FOXP1: variants seen among roughly 807,000 people sequenced by gnomAD.
FOXP1 encodes forkhead box protein P1.
A neutral mutation model predicts 98.2 loss-of-function variants in FOXP1; 15 were observed. That is an observed-to-expected ratio of 0.15 (90% CI 0.10 to 0.24). The LOEUF (loss-of-function observed/expected upper bound fraction) is 0.24. Ranked by LOEUF, FOXP1 falls within the 10% of genes least tolerant of loss-of-function variation. The pLI is 1.00. For synonymous variants in FOXP1, 371 were observed against 314.5 expected, an observed-to-expected ratio of 1.18 and a Z score of -1.90; for missense variants, 633 against 848.5, an observed-to-expected ratio of 0.75 and a Z score of 3.15.
At chr3:71,582,089 A>G (rs1392632241) in intron 1 of FOXP1, 2 of 975,806 alleles carry the variant, frequency 2.0e-6, no homozygotes, top group Non-Finnish European at 2.4e-6. Context: ...GGGGGGCTGC[A>G]GGCAGCGATT....
At chr3:71,387,776 CACAA>C (rs1007022268) in intron 3 of FOXP1, among the ~76,000 whole-genome samples, 8 of 152,202 alleles carry the variant, frequency 5.3e-5, no homozygotes, top group South Asian at 2.1e-4. Context: ...TGCGGCATGA[CACAA>C]ACAAAGTCGT....
At chr3:71,168,291 G>A (rs890767719) in intron 6 of FOXP1, among the ~76,000 whole-genome samples, 29 of 139,246 alleles carry the variant, frequency 2.1e-4, no homozygotes, top group African/African-American at 6.6e-4. Flanking sequence ...CACAAGGAAT[G>A]AGTTTAAAAG....
intron 7 of FOXP1, among the ~76,000 whole-genome samples, chr3:71,091,415 G>A (rs1031160971): frequency 9.9e-5 from 15 of 151,946 alleles, no homozygotes; most frequent in East Asian, 7.7e-4. Context: ...GCTTGAACCC[G>A]GGAGGCGGAG....
chr3:71,225,277 A>G (rs1399948297), intron 5 of FOXP1, among the ~76,000 whole-genome samples: 5 of 152,232 alleles, frequency 3.3e-5, no homozygotes, highest in African/African-American at 1.2e-4. Context: ...AAGTGGCTCA[A>G]TCTGATCAGC....
chr3:71,518,551 T>C (rs2042743526), intron 2 of FOXP1, among the ~76,000 whole-genome samples: 2 of 152,308 alleles, frequency 1.3e-5, no homozygotes, highest in South Asian at 2.1e-4. Context: ...AAGTGATATA[T>C]ACTACTTCCA....
intron 6 of FOXP1, among the ~76,000 whole-genome samples, chr3:71,149,892 G>T (rs2060490249): frequency 6.6e-6 from 1 of 152,160 alleles, no homozygotes; most frequent in Non-Finnish European, 1.5e-5. Context: ...GCAGCCATGA[G>T]AATTTACTAA....
intron 2 of FOXP1, among the ~76,000 whole-genome samples, chr3:71,496,961 A>AGT (rs148821144): frequency 0.26 from 38,616 of 149,370 alleles, 5,382 homozygotes; most frequent in Non-Finnish European, 0.33. Context: ...GGTGTGTGGA[A>AGT]GTGTGTGTGT....
rs531869110 is a variant in FOXP1, at chr3:71,035,119, C to A, written c.869+6209G>T. On this transcript the variant is annotated intron_variant, in intron 11 of 20. Transcript: ENST00000649528. ...TTACAATGCAGATCCTGATGCAGGT[C>A]TGGGGCAGGGCCAGAGACTGAGTTT... 1.6e-3 allele frequency among the ~76,000 whole-genome samples: 240 copies of A among 152,278 alleles called. 1 individual carries two copies. The highest frequency in any genetic ancestry group is 5.6e-3 in the African/African-American group (231 of 41,558).
At chr3:71,310,500 G>A (rs1230159871) in intron 4 of FOXP1, among the ~76,000 whole-genome samples, 1 of 152,242 alleles carries the variant, frequency 6.6e-6, no homozygotes, top group African/African-American at 2.4e-5. Flanking sequence ...GCTGGAGGCA[G>A]ACGTTCTCTA....
At chr3:71,299,594 A>C (rs2073668522) in intron 5 of FOXP1, among the ~76,000 whole-genome samples, 1 of 152,262 alleles carries the variant, frequency 6.6e-6, no homozygotes, top group Admixed American at 6.5e-5. Context: ...TTCAACAAAC[A>C]GAGAAGAGTT....
chr3:71,396,229 CT>C (rs1395939208), intron 3 of FOXP1, among the ~76,000 whole-genome samples: 1 of 152,048 alleles, frequency 6.6e-6, no homozygotes, highest in Non-Finnish European at 1.5e-5. Flanking sequence ...AATCCTGAAA[CT>C]TTTGGAGCTG....
rs187631710 is a variant in FOXP1, at chr3:71,366,127, C to T, written c.-167-6883G>A. On this transcript the variant is annotated intron_variant, in intron 3 of 20. Transcript: ENST00000649528. ...CAAGGATGTACAATTATTGTAATGA[C>T]GACTTGGTCCACTTTTTTTTTCGTT... Among the ~76,000 whole-genome samples, 768 of 152,196 alleles carry T rather than the reference C, an allele frequency of 5.0e-3. 4 individuals carry two copies. Among genetic ancestry groups the T allele is most frequent in the Non-Finnish European group, 8.0e-3 (547 of 68,028 alleles).
intron 7 of FOXP1, among the ~76,000 whole-genome samples, chr3:71,070,372 T>C (rs1342414375): frequency 6.6e-6 from 1 of 152,196 alleles, no homozygotes; most frequent in South Asian, 2.1e-4. Context: ...GGGGAGAGCA[T>C]GTCGGCGCAT....
intron 3 of FOXP1, among the ~76,000 whole-genome samples, chr3:71,473,612 G>A (rs1422995713): frequency 1.2e-4 from 12 of 98,014 alleles, no homozygotes; most frequent in Non-Finnish European, 1.9e-4. Flanking sequence ...ATAACTGCCC[G>A]CCACCTCCCC....
chr3:71,033,602 CAAAAAAAAAA>C (rs35470748), intron 11 of FOXP1, among the ~76,000 whole-genome samples: 2 of 70,690 alleles, frequency 2.8e-5, no homozygotes, highest in South Asian at 7.3e-4. Flanking sequence ...AGTGAACAGT[CAAAAAAAAAA>C]AAAAAAAAAA....
intron 13 of FOXP1, 66 bp downstream of exon 13, chr3:71,000,906 G>A: frequency 2.0e-6 from 2 of 1,013,560 alleles, no homozygotes; most frequent in East Asian, 2.4e-5. Flanking sequence ...ACTCATTACA[G>A]AACACTACAG....
At chr3:71,028,505 A>T (rs2107868072) in intron 11 of FOXP1, among the ~76,000 whole-genome samples, 1 of 152,302 alleles carries the variant, frequency 6.6e-6, no homozygotes, top group South Asian at 2.1e-4. Context: ...ATGTACTTGT[A>T]GCAGAAACTT....
chr3:71,467,121 CGTGT>C (rs1297387665), intron 3 of FOXP1, among the ~76,000 whole-genome samples: 1 of 152,046 alleles, frequency 6.6e-6, no homozygotes, highest in Admixed American at 6.6e-5. Context: ...TGTGTGTGTA[CGTGT>C]GTGTGTATGT....
intron 5 of FOXP1, among the ~76,000 whole-genome samples, chr3:71,203,629 AG>A (rs1482889289): frequency 2.0e-5 from 3 of 152,214 alleles, no homozygotes; most frequent in African/African-American, 7.2e-5. Context: ...CAAGTCAGGC[AG>A]AAGTAAATTA....
Sources: gnomAD v4.1 joint callset for allele counts (sites outside exome capture counted in the v4.1 genomes callset) on GRCh38, gnomAD v4.1.1 for gene constraint, MANE v1.5 for transcripts, NCBI Gene and HGNC (gene_info 2026-07-23, HGNC 2026-07-21) for gene names.